The following SLC24A2 variants were observed in gnomAD, a reference collection of about 807,000 sequenced individuals.
SLC24A2 encodes the protein solute carrier family 24 member 2, also known as sodium/potassium/calcium exchanger 2.
SLC24A2 carries 36 observed loss-of-function variants against 62.0 expected under a neutral mutation model. That is an observed-to-expected ratio of 0.58 (90% CI 0.44 to 0.77). The LOEUF is 0.77. Ranked by LOEUF, SLC24A2 falls within the 30% of genes least tolerant of loss-of-function variation. The probability of loss-of-function intolerance (pLI) is 0.00; values close to 1 mark genes in which losing one functional copy is unlikely to be tolerated. For missense variants in SLC24A2, 846 were observed against 817.9 expected, an observed-to-expected ratio of 1.03 and a Z score of -0.42; for synonymous variants, 358 against 294.0, an observed-to-expected ratio of 1.22 and a Z score of -2.23.
chr9:20,273,744 A>C, the SLC24A2 span, among the ~76,000 whole-genome samples: 1 of 152,176 alleles, frequency 6.6e-6, no homozygotes, highest in Non-Finnish European at 1.5e-5. Flanking sequence ...GCAGTGTGAA[A>C]ATGGACTAAT....
At position 19,515,541 on chromosome 9, in the gene SLC24A2, G is replaced by A. The variant is rs1386861592; in HGVS notation, c.*612C>T. On this transcript the variant is annotated 3_prime_UTR_variant, in exon 11 of 11. Transcript: ENST00000341998. ...AAGGTAGGCTGAAGGTCACAGCAAT[G>A]CTACCTTTGTCTTGTTGGTTCCATT... The A allele has an allele frequency of 6.6e-6, 1 of 152,160 alleles. No homozygotes were observed. Among genetic ancestry groups the A allele is most frequent in the African/African-American group, 2.4e-5 (1 of 41,380 alleles). 9.4% of individuals were successfully genotyped at this position (152,160 alleles called of 1,614,324 possible).
intron 2 of SLC24A2, among the ~76,000 whole-genome samples, chr9:19,750,085 C>T (rs1821939983): frequency 6.6e-6 from 1 of 152,150 alleles, no homozygotes; most frequent in Non-Finnish European, 1.5e-5. Context: ...CTGGACACTG[C>T]CGGAGTACAT....
chr9:19,881,638 G>T, the SLC24A2 span, among the ~76,000 whole-genome samples: 1 of 152,112 alleles, frequency 6.6e-6, no homozygotes, highest in Non-Finnish European at 1.5e-5. Flanking sequence ...TAACTTAGGG[G>T]TACACACTTA....
the SLC24A2 span, among the ~76,000 whole-genome samples, chr9:19,990,947 G>GTATATA: frequency 2.7e-5 from 1 of 37,170 alleles, no homozygotes; most frequent in Admixed American, 2.0e-4. Flanking sequence ...GTATGTATAT[G>GTATATA]TATGTATTAT....
intron 4 of SLC24A2, among the ~76,000 whole-genome samples, chr9:19,602,583 C>T (rs1444491659): frequency 1.3e-5 from 2 of 152,094 alleles, no homozygotes; most frequent in Admixed American, 1.3e-4. Context: ...AAAGAAATGA[C>T]ATAAAGATAT....
intron 2 of SLC24A2, among the ~76,000 whole-genome samples, chr9:19,733,493 C>T (rs546371591): frequency 7.9e-5 from 12 of 152,264 alleles, no homozygotes; most frequent in African/African-American, 2.6e-4. Flanking sequence ...CTACAGAGAA[C>T]GCAGCTTGCT....
chr9:20,160,987 T>C, the SLC24A2 span, among the ~76,000 whole-genome samples: 4 of 151,078 alleles, frequency 2.6e-5, no homozygotes, highest in Admixed American at 1.3e-4. Context: ...ATGAAAAAAC[T>C]ACCAAATAAT....
chr9:20,127,236 T>C, the SLC24A2 span, among the ~76,000 whole-genome samples: 1 of 152,128 alleles, frequency 6.6e-6, no homozygotes, highest in Admixed American at 6.6e-5. Flanking sequence ...CTCAATTATC[T>C]AAGCCTCTGC....
chr9:19,534,298 GT>G (rs1319150518), intron 8 of SLC24A2, among the ~76,000 whole-genome samples: 1 of 152,140 alleles, frequency 6.6e-6, no homozygotes, highest in African/African-American at 2.4e-5. Flanking sequence ...GCCATGCCTG[GT>G]TTCCTTTACT....
the SLC24A2 span, among the ~76,000 whole-genome samples, chr9:19,918,138 TTATGTG>T: frequency 1.4e-4 from 9 of 65,150 alleles, no homozygotes; most frequent in South Asian, 9.9e-4. Flanking sequence ...ACAACTGACA[TTATGTG>T]TGTGTGTGTG....
intron 4 of SLC24A2, among the ~76,000 whole-genome samples, chr9:19,608,826 GC>G (rs1178560432): frequency 6.6e-6 from 1 of 150,436 alleles, no homozygotes; most frequent in Non-Finnish European, 1.5e-5. Context: ...ATAGACACTC[GC>G]ACATACCTAG....
At chr9:19,942,616 G>A in the SLC24A2 span, among the ~76,000 whole-genome samples, 3 of 152,120 alleles carry the variant, frequency 2.0e-5, no homozygotes, top group Admixed American at 1.3e-4. Context: ...TTAACCTAGC[G>A]AACACAATTG....
the SLC24A2 span, among the ~76,000 whole-genome samples, chr9:20,054,509 G>A: frequency 6.6e-6 from 1 of 152,010 alleles, no homozygotes; most frequent in Admixed American, 6.6e-5. Flanking sequence ...GGTGATTTCT[G>A]AGATTTTGGT....
chr9:20,066,212 A>G, the SLC24A2 span, among the ~76,000 whole-genome samples: 1 of 152,220 alleles, frequency 6.6e-6, no homozygotes, highest in African/African-American at 2.4e-5. Context: ...GATTCAACAA[A>G]AAATAATAAA....
At chr9:20,192,457 A>C in the SLC24A2 span, among the ~76,000 whole-genome samples, 2 of 152,166 alleles carry the variant, frequency 1.3e-5, no homozygotes, top group South Asian at 2.1e-4. Context: ...AGTCAGATAC[A>C]TCTTGTAGAG....
intron 7 of SLC24A2, among the ~76,000 whole-genome samples, chr9:19,568,344 A>G (rs1441819100): frequency 6.6e-6 from 1 of 152,004 alleles, no homozygotes; most frequent in Admixed American, 6.6e-5. Context: ...TCAATACCAA[A>G]TCTTCCCAAT....
In SLC24A2 at chr9:19,580,196, A is replaced by G. The variant is rs940790555; in HGVS notation, c.1130-3174T>C. 9.9e-5 allele frequency among the ~76,000 whole-genome samples: 15 copies of G among 152,026 alleles called. No individual in the cohort carries two copies. In the East Asian group the frequency reaches 2.1e-3, roughly 22 times the overall value. ...AGACCTCTTCAACTTCTGCAACTCA[A>G]CCTCCCTCCTAGATGATTCTTTGTC... On this transcript the variant is annotated intron_variant, in intron 5 of 10. Coordinates refer to ENST00000341998, the MANE Select transcript of SLC24A2 (RefSeq NM_020344.4).
At chr9:20,198,958 G>A in the SLC24A2 span, among the ~76,000 whole-genome samples, 1 of 152,010 alleles carries the variant, frequency 6.6e-6, no homozygotes, top group Non-Finnish European at 1.5e-5. Context: ...CCAATGTGGG[G>A]AAACTTGCTT....
At chr9:19,637,724 T>A (rs555558737) in intron 2 of SLC24A2, among the ~76,000 whole-genome samples, 43 of 152,304 alleles carry the variant, frequency 2.8e-4, no homozygotes, top group African/African-American at 9.4e-4. Flanking sequence ...GAAGTGAAGC[T>A]CAAAGTGATG....
Sources: gnomAD v4.1 joint callset for allele counts (sites outside exome capture counted in the v4.1 genomes callset) on GRCh38, gnomAD v4.1.1 for gene constraint, MANE v1.5 for transcripts, NCBI Gene and HGNC (gene_info 2026-07-23, HGNC 2026-07-21) for gene names.